The following EGFLAM variants were observed in gnomAD, a reference collection of about 807,000 sequenced individuals.
EGFLAM encodes pikachurin.
A neutral mutation model predicts 113.1 loss-of-function variants in EGFLAM; 79 were observed. The ratio of observed to expected loss-of-function variants is 0.70; its 90% CI spans 0.58 to 0.84. The LOEUF is 0.84. Among genes scored for constraint, EGFLAM ranks in the 40% least tolerant of loss-of-function variants. The pLI is 0.00. For synonymous variants in EGFLAM, 504 were observed against 487.6 expected, an observed-to-expected ratio of 1.03 and a Z score of -0.44; for missense variants, 1,265 against 1,291.6, an observed-to-expected ratio of 0.98 and a Z score of 0.32.
chr5:38,334,423 G>A (rs1739131317), intron 1 of EGFLAM, among the ~76,000 whole-genome samples: 1 of 152,134 alleles, frequency 6.6e-6, no homozygotes, highest in Admixed American at 6.5e-5. Flanking sequence ...TTCTTGCTGT[G>A]TCTTCACATA....
At chr5:38,286,970 A>T (rs1758179950) in intron 1 of EGFLAM, among the ~76,000 whole-genome samples, 1 of 152,216 alleles carries the variant, frequency 6.6e-6, no homozygotes, top group Admixed American at 6.5e-5. Context: ...TGATATATTA[A>T]ATGGTATTCA....
In EGFLAM at chr5:38,438,258, T is replaced by C. The variant is rs1161543355; in HGVS notation, c.2284-17T>C. 2 of 1,598,570 alleles carry C rather than the reference T, an allele frequency of 1.3e-6. No homozygotes were observed. Among genetic ancestry groups the C allele is most frequent in the East Asian group, 2.2e-5 (1 of 44,496 alleles). ...GTTTCTTAATTCCTGAATTTCTTTA[T>C]GTTTTTCTCTCTCAAGATCATCCTG... is the stretch of plus-strand genomic sequence containing the variant. On this transcript the variant is annotated splice_polypyrimidine_tract_variant and intron_variant, in intron 16 of 21. Coordinates refer to ENST00000322350, the MANE Select transcript of EGFLAM (RefSeq NM_152403.4).
intron 6 of EGFLAM, chr5:38,401,831 C>A (rs1446908189): frequency 6.6e-6 from 1 of 152,208 alleles, no homozygotes; most frequent in Non-Finnish European, 1.5e-5. Flanking sequence ...TACCATCTTA[C>A]ACGTGTGTTG....
At chr5:38,436,190 A>G (rs1020947116) in intron 16 of EGFLAM, among the ~76,000 whole-genome samples, 11 of 152,028 alleles carry the variant, frequency 7.2e-5, no homozygotes, top group African/African-American at 9.7e-5. Flanking sequence ...TCTGCAACAG[A>G]CCTGCAGCTT....
intron 19 of EGFLAM, among the ~76,000 whole-genome samples, chr5:38,456,024 G>T (rs1290002574): frequency 6.6e-6 from 1 of 152,176 alleles, no homozygotes; most frequent in African/African-American, 2.4e-5. Flanking sequence ...CTAGTCTTCA[G>T]AAGAGGTGTG....
At chr5:38,367,318 C>T (rs1355013993) in intron 5 of EGFLAM, among the ~76,000 whole-genome samples, 1 of 151,366 alleles carries the variant, frequency 6.6e-6, no homozygotes, top group Non-Finnish European at 1.5e-5. Context: ...TACTATGTTG[C>T]CCAGGCTGGT....
At chr5:38,439,567 C>T (rs1057265256) in intron 17 of EGFLAM, among the ~76,000 whole-genome samples, 2 of 152,118 alleles carry the variant, frequency 1.3e-5, no homozygotes, top group Non-Finnish European at 2.9e-5. Flanking sequence ...TGTCATTTTG[C>T]AGCAGTCTTG....
intron 4 of EGFLAM, among the ~76,000 whole-genome samples, chr5:38,351,432 C>T (rs899963100): frequency 2.0e-5 from 3 of 152,084 alleles, no homozygotes; most frequent in African/African-American, 4.8e-5. Flanking sequence ...AGGACTGCAC[C>T]GGAAGCTGTG....
At position 38,432,121 on chromosome 5, in the gene EGFLAM, C is replaced by A. The variant is rs1742207686; in HGVS notation, c.2166+833C>A. Among the ~76,000 whole-genome samples the A allele has an allele frequency of 4.6e-5, 7 of 152,206 alleles. No homozygotes were observed. The South Asian group carries it at 1.5e-3, about 32-fold the overall frequency. Reference sequence around the variant, plus strand: ...GCGAACACACACACAATTTATAGTTCCTTAAAAATAGAGGGGACTTTAGAT... The same window carrying A: ...GCGAACACACACACAATTTATAGTTACTTAAAAATAGAGGGGACTTTAGAT... On this transcript the variant is annotated intron_variant, in intron 15 of 21. Coordinates refer to ENST00000322350, the MANE Select transcript of EGFLAM (RefSeq NM_152403.4).
At chr5:38,347,477 G>A (rs984054764) in intron 3 of EGFLAM, among the ~76,000 whole-genome samples, 8 of 152,120 alleles carry the variant, frequency 5.3e-5, no homozygotes, top group Non-Finnish European at 8.8e-5. Flanking sequence ...TAGAGGAGGG[G>A]CACCTAACCA....
chr5:38,407,092 G>T lies in EGFLAM; in HGVS notation c.1093G>T (p.Gly365Trp), dbSNP rs376693142. Residue 365 changes from glycine to tryptophan, a missense_variant, in exon 8 of 22, where the codon GGG (glycine) becomes TGG (tryptophan). Coordinates refer to ENST00000322350, the MANE Select transcript of EGFLAM (RefSeq NM_152403.4). ...DSFCVNDYTW[G>W]GSRCQCTLGK... ...CTTCTGTGTCAATGACTACACCTGG[G>T]GGGGCTCGCGATGCCAGTGCACCCT... The T allele has an allele frequency of 6.2e-7, 1 of 1,614,116 alleles. No individual in the cohort carries two copies. Among genetic ancestry groups the T allele is most frequent in the South Asian group, 1.1e-5 (1 of 91,080 alleles).
At chr5:38,368,694 T>G (rs556450394) in intron 5 of EGFLAM, among the ~76,000 whole-genome samples, 51 of 152,208 alleles carry the variant, frequency 3.4e-4, no homozygotes, top group Admixed American at 1.6e-3. Context: ...AGCAAAGGGA[T>G]GGGGAATCGT....
intron 1 of EGFLAM, among the ~76,000 whole-genome samples, chr5:38,264,175 G>C (rs973529880): frequency 1.3e-5 from 2 of 152,056 alleles, no homozygotes; most frequent in Non-Finnish European, 2.9e-5. Context: ...CTGGCACTAG[G>C]GGGGCTGGAG....
At chr5:38,416,094 G>A (rs538258887) in intron 11 of EGFLAM, among the ~76,000 whole-genome samples, 1 of 152,240 alleles carries the variant, frequency 6.6e-6, no homozygotes, top group Admixed American at 6.5e-5. Context: ...CAAGAAGCAT[G>A]TAGCTTTATG....
At chr5:38,452,392 T>C (rs768422197) in intron 19 of EGFLAM, among the ~76,000 whole-genome samples, 1 of 152,158 alleles carries the variant, frequency 6.6e-6, no homozygotes, top group Non-Finnish European at 1.5e-5. Context: ...CACACTTGAG[T>C]AGCTTCAATA....
chr5:38,318,733 A>C (rs554222021), intron 1 of EGFLAM, among the ~76,000 whole-genome samples: 1 of 152,060 alleles, frequency 6.6e-6, no homozygotes, highest in African/African-American at 2.4e-5. Flanking sequence ...CGAACTCCTG[A>C]CCTCAGGTGA....
At chr5:38,437,256 A>T (rs1742379417) in intron 16 of EGFLAM, among the ~76,000 whole-genome samples, 1 of 152,136 alleles carries the variant, frequency 6.6e-6, no homozygotes, top group South Asian at 2.1e-4. Context: ...TTTGTTTCTT[A>T]AGTGGGGAAG....
At chr5:38,282,137 T>C (rs1758035156) in intron 1 of EGFLAM, 1 of 152,244 alleles carries the variant, frequency 6.6e-6, no homozygotes. Flanking sequence ...GGCTGTATCT[T>C]ATACTTCCTA....
chr5:38,427,710 C>G (rs1013401866), intron 14 of EGFLAM, among the ~76,000 whole-genome samples: 16 of 152,176 alleles, frequency 1.1e-4, no homozygotes. Flanking sequence ...TGACCTCACT[C>G]TAAATATTCA....
Sources: allele counts gnomAD v4.1 joint callset (sites outside exome capture counted in the v4.1 genomes callset), GRCh38; gene constraint gnomAD v4.1.1; transcripts MANE v1.5; gene names NCBI Gene and HGNC (gene_info 2026-07-23, HGNC 2026-07-21).